BBS9: variants seen among roughly 807,000 people sequenced by gnomAD.
BBS9 encodes Bardet-Biedl syndrome 9, also known as protein PTHB1.
Under a neutral mutation model 117.7 loss-of-function variants are expected in BBS9, and 89 were observed. That is an observed-to-expected ratio of 0.76 (90% CI 0.64 to 0.90). The LOEUF (loss-of-function observed/expected upper bound fraction) is 0.90, where lower values mean the gene tolerates loss of function less well. Ranked by LOEUF, BBS9 falls within the 40% of genes least tolerant of loss-of-function variation. BBS9 has a pLI of 0.00. For missense variants in BBS9, 982 were observed against 1,042.2 expected (o/e 0.94, Z 0.80); for synonymous variants, 379 against 370.9 (o/e 1.02, Z -0.25).
At chr7:33,184,241 G>C (rs777223450) in intron 5 of BBS9, among the ~76,000 whole-genome samples, 3 of 152,142 alleles carry the variant, frequency 2.0e-5, no homozygotes, top group African/African-American at 4.8e-5. Flanking sequence ...CAAAGTTCAG[G>C]TGGTTGCTTG....
At chr7:33,264,891 T>A (rs1165501977) in intron 7 of BBS9, among the ~76,000 whole-genome samples, 1 of 152,170 alleles carries the variant, frequency 6.6e-6, no homozygotes, top group East Asian at 1.9e-4. Context: ...CTTTAAATAT[T>A]TTGTAACTAG....
chr7:33,282,017 G>T (rs1052136237), intron 9 of BBS9, among the ~76,000 whole-genome samples: 1 of 151,382 alleles, frequency 6.6e-6, no homozygotes, highest in African/African-American at 2.4e-5. Context: ...ATCTCCCTAT[G>T]TTGCCAGATT....
intron 4 of BBS9, among the ~76,000 whole-genome samples, chr7:33,173,302 C>T (rs775898642): frequency 7.9e-5 from 12 of 151,868 alleles, no homozygotes; most frequent in Non-Finnish European, 1.3e-4. Flanking sequence ...AAAATTTGGC[C>T]GAGTGCAGTG....
At chr7:33,329,337 A>G (rs1813501370) in intron 9 of BBS9, among the ~76,000 whole-genome samples, 1 of 152,132 alleles carries the variant, frequency 6.6e-6, no homozygotes, top group African/African-American at 2.4e-5. Context: ...TTATTTTGTA[A>G]CTATAAGACA....
At chr7:33,578,017 A>G (rs1265377331) in intron 21 of BBS9, among the ~76,000 whole-genome samples, 2 of 152,196 alleles carry the variant, frequency 1.3e-5, no homozygotes, top group African/African-American at 4.8e-5. Context: ...AAATCTGCAC[A>G]TTGTGCACAT....
At chr7:33,190,467 CTTTGG>C (rs765739531) in intron 5 of BBS9, among the ~76,000 whole-genome samples, 5 of 152,166 alleles carry the variant, frequency 3.3e-5, no homozygotes, top group African/African-American at 4.8e-5. Context: ...CCAACCTTGT[CTTTGG>C]TAAAACTGAA....
intron 20 of BBS9, among the ~76,000 whole-genome samples, chr7:33,533,107 C>T (rs1850833941): frequency 6.6e-6 from 1 of 152,128 alleles, no homozygotes; most frequent in East Asian, 1.9e-4. Flanking sequence ...CTAAACTGAC[C>T]CCTCCTGCTC....
intron 19 of BBS9, among the ~76,000 whole-genome samples, chr7:33,389,699 A>AG (rs1209072980): frequency 6.6e-6 from 1 of 151,358 alleles, no homozygotes; most frequent in African/African-American, 2.4e-5. Context: ...AAAAAAAAAA[A>AG]AAAAAAAAAA....
rs553419494 is a variant in BBS9 at position 33,212,785 on chromosome 7, C to T, written c.442+35194C>T. Among the ~76,000 whole-genome samples, 32 of 152,194 alleles carry T rather than the reference C, an allele frequency of 2.1e-4. No homozygotes were observed. The Middle Eastern group carries it at 0.014, about 65-fold the overall frequency. On this transcript the variant is annotated intron_variant, in intron 5 of 22. Coordinates refer to ENST00000242067, the MANE Select transcript of BBS9 (RefSeq NM_198428.3). ...GTAGAGGTACGGCCTTGGTAGCCTT[C>T]GATAATATCTGGAGGAATTCTCTGG...
At chr7:33,412,270 G>A (rs184384408) in intron 19 of BBS9, among the ~76,000 whole-genome samples, 36 of 152,214 alleles carry the variant, frequency 2.4e-4, no homozygotes, top group African/African-American at 8.4e-4. Flanking sequence ...TCTGTTTTTA[G>A]TTCATCTCCA....
At chr7:33,590,465 T>TG (rs1554551752) in intron 21 of BBS9, among the ~76,000 whole-genome samples, 8 of 138,012 alleles carry the variant, frequency 5.8e-5, no homozygotes, top group Non-Finnish European at 1.2e-4. Flanking sequence ...TTTTGTTTTT[T>TG]TTTTTTTTTT....
chr7:33,498,679 G>A (rs923871946), intron 19 of BBS9, among the ~76,000 whole-genome samples: 2 of 152,174 alleles, frequency 1.3e-5, no homozygotes, highest in African/African-American at 4.8e-5. Flanking sequence ...ATTTTGTAGC[G>A]TGTATAAGTA....
chr7:33,572,795 C>CTT (rs537181167), intron 21 of BBS9, among the ~76,000 whole-genome samples: 1 of 151,582 alleles, frequency 6.6e-6, no homozygotes, highest in African/African-American at 2.4e-5. Flanking sequence ...GATTTTCTTT[C>CTT]TTTTTTTTGC....
chr7:33,491,164 C>T (rs1843843162), intron 19 of BBS9, among the ~76,000 whole-genome samples: 1 of 152,084 alleles, frequency 6.6e-6, no homozygotes, highest in South Asian at 2.1e-4. Flanking sequence ...ATAGTTATTT[C>T]CTGGAAACTG....
intron 19 of BBS9, among the ~76,000 whole-genome samples, chr7:33,473,704 A>G (rs1841412626): frequency 6.6e-6 from 1 of 152,144 alleles, no homozygotes. Flanking sequence ...AGTTTCCATA[A>G]TATTTTCATA....
chr7:33,436,974 C>A (rs1264087633), intron 19 of BBS9, among the ~76,000 whole-genome samples: 1 of 152,066 alleles, frequency 6.6e-6, no homozygotes, highest in Non-Finnish European at 1.5e-5. Flanking sequence ...TTAACATGAA[C>A]TTTGGTGGTG....
chr7:33,288,872 T>C (rs1449194441), intron 9 of BBS9, among the ~76,000 whole-genome samples: 1 of 152,202 alleles, frequency 6.6e-6, no homozygotes, highest in Non-Finnish European at 1.5e-5. Context: ...ATTATTGTTA[T>C]CCTCATTTTA....
At chr7:33,265,862 T>A (rs909137138) in intron 7 of BBS9, among the ~76,000 whole-genome samples, 2 of 151,752 alleles carry the variant, frequency 1.3e-5, no homozygotes, top group African/African-American at 4.8e-5. Flanking sequence ...AAAGTTGTTA[T>A]AAGATAAATT....
At chr7:33,171,746 A>T (rs1465530795) in intron 4 of BBS9, among the ~76,000 whole-genome samples, 1 of 152,150 alleles carries the variant, frequency 6.6e-6, no homozygotes, top group Non-Finnish European at 1.5e-5. Flanking sequence ...AATGACTCAG[A>T]CATTTTATGA....
Sources: gnomAD v4.1 joint callset for allele counts (sites outside exome capture counted in the v4.1 genomes callset) on GRCh38, gnomAD v4.1.1 for gene constraint, MANE v1.5 for transcripts, NCBI Gene and HGNC (gene_info 2026-07-23, HGNC 2026-07-21) for gene names.